The following PIP4K2A variants were observed in gnomAD, a reference collection of about 807,000 sequenced individuals.
PIP4K2A encodes phosphatidylinositol-5-phosphate 4-kinase type 2 alpha, also known as phosphatidylinositol 5-phosphate 4-kinase type-2 alpha.
Under a neutral mutation model 42.9 loss-of-function variants are expected in PIP4K2A, and 14 were observed. The ratio of observed to expected loss-of-function variants is 0.33; its 90% confidence interval spans 0.22 to 0.51. The LOEUF (loss-of-function observed/expected upper bound fraction) is 0.51. Ranked by LOEUF, PIP4K2A falls within the 20% of genes least tolerant of loss-of-function variation. The pLI is 0.97. For synonymous variants in PIP4K2A, 192 were observed against 192.2 expected, an observed-to-expected ratio of 1.00 and a Z score of 0.01; for missense variants, 434 against 519.8, an observed-to-expected ratio of 0.83 and a Z score of 1.61.
At chr10:22,555,821 C>A (rs775119534) in intron 6 of PIP4K2A, among the ~76,000 whole-genome samples, 31 of 151,428 alleles carry the variant, frequency 2.0e-4, no homozygotes, top group Non-Finnish European at 2.8e-4. Context: ...CTTTTAGCTT[C>A]CCTGGGCCAC....
intron 1 of PIP4K2A, among the ~76,000 whole-genome samples, chr10:22,667,113 G>A (rs1230523820): frequency 6.6e-6 from 1 of 152,206 alleles, no homozygotes; most frequent in East Asian, 1.9e-4. Flanking sequence ...TCCTTCATCA[G>A]AGTCAGAAAA....
chr10:22,630,420 T>G (rs999701498), intron 1 of PIP4K2A, among the ~76,000 whole-genome samples: 2 of 152,226 alleles, frequency 1.3e-5, no homozygotes, highest in Non-Finnish European at 2.9e-5. Context: ...GTGCTCTGCT[T>G]TGTAGCTATT....
chr10:22,670,112 C>T (rs1032847204), intron 1 of PIP4K2A, among the ~76,000 whole-genome samples: 2 of 152,184 alleles, frequency 1.3e-5, no homozygotes, highest in Non-Finnish European at 2.9e-5. Context: ...GGTGTTGTGG[C>T]TCAAGCCTGT....
At chr10:22,569,716 C>T (rs1836937800) in intron 5 of PIP4K2A, among the ~76,000 whole-genome samples, 1 of 152,012 alleles carries the variant, frequency 6.6e-6, no homozygotes, top group African/African-American at 2.4e-5. Context: ...ATATAATCCA[C>T]CCTGCTTCTG....
chr10:22,587,436 G>T (rs768435827), intron 4 of PIP4K2A, among the ~76,000 whole-genome samples: 2 of 152,178 alleles, frequency 1.3e-5, no homozygotes, highest in Non-Finnish European at 2.9e-5. Flanking sequence ...AGAAACAGAA[G>T]AAATGATGAT....
intron 7 of PIP4K2A, among the ~76,000 whole-genome samples, chr10:22,549,702 G>A (rs569994129): frequency 2.0e-5 from 3 of 151,634 alleles, no homozygotes; most frequent in South Asian, 2.1e-4. Flanking sequence ...TTAGCCAGGC[G>A]TGGTGGCGGG....
rs1266883536 is a variant in PIP4K2A at position 22,664,182 on chromosome 10, C to CATAT, written c.144+49997_144+50000dup. Among the ~76,000 whole-genome samples, 19 of 43,506 alleles carry CATAT rather than the reference C, an allele frequency of 4.4e-4. 2 individuals are homozygous for CATAT. Among genetic ancestry groups the CATAT allele is most frequent in the African/African-American group, 1.3e-3 (8 of 6,004 alleles). The allele number at this position is 43,506 out of a possible 152,430, so 28.5% of individuals were successfully genotyped here. On this transcript the variant is annotated intron_variant, in intron 1 of 9. Transcript: ENST00000376573. ...ATATATATATACATATATATATATA[C>CATAT]ATATATATACATATATATATACATA... is the stretch of plus-strand genomic sequence containing the variant.
intron 1 of PIP4K2A, among the ~76,000 whole-genome samples, chr10:22,664,402 T>G (rs1839310039): frequency 1.3e-5 from 2 of 150,758 alleles, no homozygotes; most frequent in African/African-American, 2.4e-5. Context: ...CTATTTATAT[T>G]TTTTATCTGT....
chr10:22,607,624 C>G (rs1249153616), intron 3 of PIP4K2A, among the ~76,000 whole-genome samples: 1 of 152,124 alleles, frequency 6.6e-6, no homozygotes, highest in African/African-American at 2.4e-5. Flanking sequence ...ACAGGCAGCT[C>G]TGCTAGCCTG....
rs370820884 is a variant in PIP4K2A at position 22,664,228 on chromosome 10, TACACACAC to T, written c.144+49947_144+49954del. 6.7e-5 allele frequency among the ~76,000 whole-genome samples: 6 copies of T among 89,856 alleles called. No homozygotes were observed. The East Asian group carries it at 8.2e-4, about 12-fold the overall frequency. The allele number at this position is 89,856 out of a possible 152,430, so 58.9% of individuals were successfully genotyped here. The stretch of plus-strand genomic sequence containing the variant: ...ACATATATATATATACATATATATA[TACACACAC>T]ACACACACACACACATATATATATA... On this transcript the variant is annotated intron_variant, in intron 1 of 9. Coordinates refer to ENST00000376573, the MANE Select transcript of PIP4K2A (RefSeq NM_005028.5).
chr10:22,701,151 G>A (rs1036673985), intron 1 of PIP4K2A, among the ~76,000 whole-genome samples: 7 of 152,156 alleles, frequency 4.6e-5, no homozygotes, highest in Non-Finnish European at 1.0e-4. Flanking sequence ...CTGTCTCACA[G>A]TATCTGTGTG....
chr10:22,584,668 C>T (rs904400662), intron 4 of PIP4K2A, among the ~76,000 whole-genome samples: 1 of 152,106 alleles, frequency 6.6e-6, no homozygotes, highest in Admixed American at 6.5e-5. Flanking sequence ...CGGCAAGCTT[C>T]GGGGCACTCA....
rs370820884 is a variant in PIP4K2A at position 22,664,228 on chromosome 10, TACACAC to T, written c.144+49949_144+49954del. On this transcript the variant is annotated intron_variant, in intron 1 of 9. Coordinates refer to ENST00000376573, the MANE Select transcript of PIP4K2A (RefSeq NM_005028.5). ...ACATATATATATATACATATATATA[TACACAC>T]ACACACACACACACACATATATATA... is the stretch of plus-strand genomic sequence containing the variant. 3.7e-3 allele frequency among the ~76,000 whole-genome samples: 335 copies of T among 89,848 alleles called. 3 individuals are homozygous for T. The highest frequency in any genetic ancestry group is 5.0e-3 in the Non-Finnish European group (255 of 51,476). The allele number at this position is 89,848 out of a possible 152,430, so 58.9% of individuals were successfully genotyped here.
intron 7 of PIP4K2A, among the ~76,000 whole-genome samples, chr10:22,542,615 G>A (rs566754688): frequency 1.3e-5 from 2 of 152,292 alleles, no homozygotes; most frequent in South Asian, 2.1e-4. Flanking sequence ...TGCTTTCCAC[G>A]AAGCACCACA....
In PIP4K2A at chr10:22,627,888, GAA is replaced by G. The variant is rs1488464509; in HGVS notation, c.145-18173_145-18172del. 3.3e-5 allele frequency among the ~76,000 whole-genome samples: 5 copies of G among 152,264 alleles called. No homozygotes were observed. The East Asian group carries it at 7.7e-4, about 24-fold the overall frequency. ...TAAAACACAATTTTTCCTAATGAGA[GAA>G]AAGTTGGCCTATGGTTGTCATTATT... On this transcript the variant is annotated intron_variant, in intron 1 of 9. Coordinates refer to ENST00000376573, the MANE Select transcript of PIP4K2A (RefSeq NM_005028.5).
At chr10:22,599,621 C>T (rs939390598) in intron 3 of PIP4K2A, among the ~76,000 whole-genome samples, 8 of 152,180 alleles carry the variant, frequency 5.3e-5, no homozygotes, top group African/African-American at 9.7e-5. Flanking sequence ...TAGAGAAAAA[C>T]GAACAGTTGG....
At chr10:22,643,648 C>G (rs146097632) in intron 1 of PIP4K2A, among the ~76,000 whole-genome samples, 10 of 152,264 alleles carry the variant, frequency 6.6e-5, no homozygotes, top group African/African-American at 1.9e-4. Flanking sequence ...AAAAATTAAC[C>G]TAACGCTGAA....
In PIP4K2A at chr10:22,537,112, T is replaced by TAC; in HGVS notation, c.*87_*88dup. On this transcript the variant is annotated 3_prime_UTR_variant, in exon 10 of 10. Coordinates refer to ENST00000376573, the MANE Select transcript of PIP4K2A (RefSeq NM_005028.5). Reference sequence around the variant, plus strand: ...GGAGGTTTGCTTCCTGCAAGATGAGTACTTCACTGAGTTTGGTTTTCATTT... The same window carrying TAC: ...GGAGGTTTGCTTCCTGCAAGATGAGTACACTTCACTGAGTTTGGTTTTCATTT... 1 of 940,864 alleles carries TAC rather than the reference T, an allele frequency of 1.1e-6. No homozygotes were observed. The highest frequency in any genetic ancestry group is 2.6e-5 in the East Asian group (1 of 38,058). The allele number at this position is 940,864 out of a possible 1,614,324, so 58.3% of individuals were successfully genotyped here. A position where few individuals can be genotyped will look rare whatever the true frequency, so the allele number is the denominator to read the frequency against.
intron 3 of PIP4K2A, among the ~76,000 whole-genome samples, chr10:22,603,876 T>C (rs1320108344): frequency 3.9e-5 from 6 of 152,148 alleles, no homozygotes; most frequent in African/African-American, 1.4e-4. Flanking sequence ...GATCAGAACC[T>C]TGATGACACA....
Sources: allele counts gnomAD v4.1 joint callset (sites outside exome capture counted in the v4.1 genomes callset), GRCh38; gene constraint gnomAD v4.1.1; transcripts MANE v1.5; gene names NCBI Gene and HGNC (gene_info 2026-07-23, HGNC 2026-07-21).